Variants in PITPNM2 observed in about 807,000 individuals in gnomAD.
The protein encoded by PITPNM2 is membrane-associated phosphatidylinositol transfer protein 2.
In PITPNM2, 35 loss-of-function variants were observed where a neutral mutation model predicts 132.2. The observed-to-expected ratio is 0.26, with a 90% CI of 0.20 to 0.35. The LOEUF (loss-of-function observed/expected upper bound fraction) is 0.35. Ranked by LOEUF, PITPNM2 falls within the 10% of genes least tolerant of loss-of-function variation. PITPNM2 has a pLI of 1.00. For synonymous variants in PITPNM2, 738 were observed against 799.2 expected (o/e 0.92, Z 1.29); for missense variants, 1,332 against 1,912.0 (o/e 0.70, Z 5.66).
chr12:123,137,090 T>C (rs1236742917), intron 1 of PITPNM2, among the ~76,000 whole-genome samples: 1 of 152,214 alleles, frequency 6.6e-6, no homozygotes, highest in East Asian at 1.9e-4. Context: ...AATGCCAGAC[T>C]GACTTTCCGC....
At chr12:122,996,603 G>C (rs748589056) in intron 12 of PITPNM2, 26 bp from the exon 13 acceptor site, 3 of 1,612,918 alleles carry the variant, frequency 1.9e-6, no homozygotes. Flanking sequence ...CCAGAGGCCT[G>C]AGCCATTCAC....
upstream of PITPNM2, among the ~76,000 whole-genome samples, chr12:123,151,192 C>G (rs886317529): frequency 9.5e-5 from 14 of 147,188 alleles, no homozygotes; most frequent in Non-Finnish European, 2.1e-4. Flanking sequence ...CGCGTCCCTG[C>G]GGAGTCTCGG....
chr12:122,986,569 G>A lies in PITPNM2; in HGVS notation c.3598-5C>T. On this transcript the variant is annotated splice_region_variant and splice_polypyrimidine_tract_variant and intron_variant, in intron 24 of 25. Coordinates refer to ENST00000320201, the MANE Select transcript of PITPNM2 (RefSeq NM_020845.3). ...CGCGTGCACGCGCAGGTGCAGCTGT[G>A]GGGAGACTGGCATGGGCACAGGCAC... 1 of 1,598,208 alleles carries A rather than the reference G, an allele frequency of 6.3e-7. No homozygotes were observed. Among genetic ancestry groups the A allele is most frequent in the Non-Finnish European group, 8.5e-7 (1 of 1,169,760 alleles).
At chr12:123,066,618 C>G (rs1447975739) in intron 2 of PITPNM2, among the ~76,000 whole-genome samples, 3 of 152,278 alleles carry the variant, frequency 2.0e-5, no homozygotes, top group East Asian at 3.9e-4. Context: ...TAACCACCCC[C>G]TGGGATGGGC....
chr12:123,040,069 G>A (rs1169920819), intron 2 of PITPNM2, among the ~76,000 whole-genome samples: 1 of 152,194 alleles, frequency 6.6e-6, no homozygotes, highest in Non-Finnish European at 1.5e-5. Context: ...GGTGGAGGTT[G>A]CAGTGAGCCA....
intron 23 of PITPNM2, 143 bp downstream of exon 23, chr12:122,987,138 C>T (rs2037970626): frequency 8.2e-7 from 1 of 1,212,690 alleles, no homozygotes; most frequent in African/African-American, 1.5e-5. Flanking sequence ...GGGTGCTGGG[C>T]TCTGAACTGA....
At chr12:123,136,274 C>A (rs573745151) in intron 1 of PITPNM2, among the ~76,000 whole-genome samples, 97 of 152,004 alleles carry the variant, frequency 6.4e-4, no homozygotes, top group African/African-American at 2.1e-3. Flanking sequence ...TGCACTCCAG[C>A]CTGGGCAACA....
intron 19 of PITPNM2, 54 bp from the exon 20 acceptor site, chr12:122,988,404 T>C: frequency 2.7e-6 from 4 of 1,502,820 alleles, no homozygotes; most frequent in Non-Finnish European, 2.8e-6. Flanking sequence ...GGGGGCTTCC[T>C]GCCCTGGGAG....
rs750266192 is a variant in PITPNM2 at position 123,005,318 on chromosome 12, C to T, written c.874G>A (p.Gly292Arg). The stretch of plus-strand genomic sequence containing the variant: ...AGGCCGCGCCCCACTAGGGGCTCCC[C>T]ATTGCTGCTGCTGGGCTCCGGGGGC... ...GEPPEPSSSNGEPLVGRGLKK... is the reference protein window; with the variant it reads ...GEPPEPSSSNREPLVGRGLKK... Residue 292 changes from glycine to arginine, a missense_variant, in exon 7 of 26, where the codon GGG (glycine) becomes AGG (arginine). Gly to Arg is a moderately radical substitution (Grantham distance 125). Around this residue, in one of 6 missense-constraint regions of PITPNM2, gnomAD observed 710 missense variants for 911.5 expected, o/e 0.78. Coordinates refer to ENST00000320201, the MANE Select transcript of PITPNM2 (RefSeq NM_020845.3). This position sits in a 1 kb window ranked among gnomAD's most constrained non-coding sequence, Gnocchi z 6.2. 6.2e-7 allele frequency: 1 copy of T among 1,614,112 alleles called. No homozygotes were observed. Among genetic ancestry groups the T allele is most frequent in the South Asian group, 1.1e-5 (1 of 91,080 alleles).
intron 2 of PITPNM2, among the ~76,000 whole-genome samples, chr12:123,057,587 A>G (rs960718763): frequency 5.9e-5 from 9 of 152,086 alleles, no homozygotes; most frequent in African/African-American, 1.9e-4. Flanking sequence ...TGTGGTTTCT[A>G]AGTGCTCTCT....
At chr12:123,093,803 C>A (rs1400791301) in intron 2 of PITPNM2, among the ~76,000 whole-genome samples, 1 of 152,266 alleles carries the variant, frequency 6.6e-6, no homozygotes, top group Non-Finnish European at 1.5e-5. Context: ...CCACAAGACA[C>A]CAACATTCAG....
chr12:123,134,059 G>C (rs894059572), intron 1 of PITPNM2, among the ~76,000 whole-genome samples: 4 of 152,070 alleles, frequency 2.6e-5, no homozygotes, highest in African/African-American at 7.2e-5. Flanking sequence ...TCTCCAACCA[G>C]GAGCTACTTT....
At chr12:123,115,617 C>A (rs551773160) in intron 1 of PITPNM2, among the ~76,000 whole-genome samples, 1 of 152,062 alleles carries the variant, frequency 6.6e-6, no homozygotes, top group Non-Finnish European at 1.5e-5. Flanking sequence ...AAATTCTTAG[C>A]CTGCAGCAGT....
At chr12:122,999,750 A>G (rs1442416085) in intron 10 of PITPNM2, among the ~76,000 whole-genome samples, 1 of 152,172 alleles carries the variant, frequency 6.6e-6, no homozygotes, top group Admixed American at 6.5e-5. Flanking sequence ...TAGTGTCTCC[A>G]CAAGGCAAGG....
At position 123,108,072 on chromosome 12, in the gene PITPNM2, C is replaced by T. The variant is rs1455727440; in HGVS notation, c.-96+2313G>A. On this transcript the variant is annotated intron_variant, in intron 2 of 25. Transcript: ENST00000320201. This position sits in a 1 kb window ranked among gnomAD's most constrained non-coding sequence, Gnocchi z 4.4. ...AGGTAGAGGTGGGAAGAGGGAATTT[C>T]AGGATGCTGGAACTGCATAAGCAAA... 6.6e-6 allele frequency among the ~76,000 whole-genome samples: 1 copy of T among 152,188 alleles called. No individual in the cohort carries two copies. The highest frequency in any genetic ancestry group is 6.5e-5 in the Admixed American group (1 of 15,284).
At chr12:123,107,061 G>C (rs1248463749) in intron 2 of PITPNM2, among the ~76,000 whole-genome samples, 1 of 152,252 alleles carries the variant, frequency 6.6e-6, no homozygotes, top group African/African-American at 2.4e-5. Flanking sequence ...TACAGCATGG[G>C]GAGGTGGGGA....
At chr12:123,127,613 T>C (rs887444940) in intron 1 of PITPNM2, among the ~76,000 whole-genome samples, 1 of 149,466 alleles carries the variant, frequency 6.7e-6, no homozygotes, top group African/African-American at 2.4e-5. Flanking sequence ...TTTCTTTCTT[T>C]TTTTTTTTTT....
At position 122,985,474 on chromosome 12, in the gene PITPNM2, T is replaced by C. The variant is rs1594113551; in HGVS notation, c.*553A>G. 6.5e-6 allele frequency: 1 copy of C among 152,856 alleles called. No homozygotes were observed. Among genetic ancestry groups the C allele is most frequent in the African/African-American group, 2.4e-5 (1 of 41,450 alleles). 9.5% of individuals were successfully genotyped at this position (152,856 alleles called of 1,614,324 possible). ...GAGCCTTCAGTGTGGTTGTAGGTCC[T>C]GGGTCAGCAGGTACTGAGTTTCATG... On this transcript the variant is annotated 3_prime_UTR_variant, in exon 26 of 26. Coordinates refer to ENST00000320201, the MANE Select transcript of PITPNM2 (RefSeq NM_020845.3).
chr12:123,146,478 C>CAGCT (rs1156853291), intron 1 of PITPNM2, among the ~76,000 whole-genome samples: 17 of 152,100 alleles, frequency 1.1e-4, no homozygotes, highest in Admixed American at 1.0e-3. Context: ...CCTGTAATCC[C>CAGCT]AGCTACCCAG....
Sources: gnomAD v4.1 joint callset for allele counts (sites outside exome capture counted in the v4.1 genomes callset) on GRCh38, gnomAD v4.1.1 for gene constraint, gnomAD v4.1.1 regional missense constraint, Gnocchi (gnomAD v3.1) non-coding constraint, MANE v1.5 for transcripts, NCBI Gene and HGNC (gene_info 2026-07-23, HGNC 2026-07-21) for gene names.